KIF6: variants seen among roughly 807,000 people sequenced by gnomAD.
KIF6 encodes kinesin family member 6, also known as kinesin-like protein KIF6.
In KIF6, 106 loss-of-function variants were observed where a neutral mutation model predicts 112.7. The ratio of observed to expected loss-of-function variants is 0.94; its 90% CI spans 0.80 to 1.11. KIF6 has a LOEUF of 1.11. Ranked by LOEUF, KIF6 falls within the 50% of genes least tolerant of loss-of-function variation. The pLI is 0.00. For missense variants in KIF6, 929 were observed against 964.0 expected (o/e 0.96, Z 0.48); for synonymous variants, 339 against 339.9 (o/e 1.00, Z 0.03).
At chr6:39,683,438 G>C (rs186429568) in intron 3 of KIF6, among the ~76,000 whole-genome samples, 1 of 152,270 alleles carries the variant, frequency 6.6e-6, no homozygotes, top group Non-Finnish European at 1.5e-5. Flanking sequence ...AGGGAGGACA[G>C]ATTTGGATAA....
intron 13 of KIF6, among the ~76,000 whole-genome samples, chr6:39,469,198 G>A (rs1033357415): frequency 2.6e-5 from 4 of 151,886 alleles, no homozygotes; most frequent in Admixed American, 2.0e-4. Flanking sequence ...AATCATTAGA[G>A]GGATTAAAAT....
At chr6:39,479,075 C>A (rs992924233) in intron 13 of KIF6, among the ~76,000 whole-genome samples, 5 of 152,076 alleles carry the variant, frequency 3.3e-5, no homozygotes, top group African/African-American at 7.2e-5. Flanking sequence ...TTGACTGTTC[C>A]TTTTGCTATG....
chr6:39,368,374 G>A (rs1244131853), intron 16 of KIF6, among the ~76,000 whole-genome samples: 1 of 152,176 alleles, frequency 6.6e-6, no homozygotes, highest in African/African-American at 2.4e-5. Context: ...GCCCAGGATG[G>A]CACTGCTGGT....
intron 3 of KIF6, among the ~76,000 whole-genome samples, chr6:39,650,559 T>C (rs1184898738): frequency 6.6e-6 from 1 of 151,694 alleles, no homozygotes; most frequent in South Asian, 2.1e-4. Flanking sequence ...TAATTTATAA[T>C]TACATTATAA....
At chr6:39,663,252 T>C (rs11759949) in intron 3 of KIF6, among the ~76,000 whole-genome samples, 7,167 of 152,266 alleles carry the variant, frequency 0.047, 244 homozygotes, top group South Asian at 0.07. Flanking sequence ...GGACTATTTG[T>C]AGATACAAGG....
rs552380123 is a variant in KIF6, at chr6:39,580,197, C to T, written c.1078-2038G>A. On this transcript the variant is annotated intron_variant, in intron 9 of 22. Transcript: ENST00000287152. The stretch of plus-strand genomic sequence containing the variant: ...GGATCTATAATTTTCTTTTTAAATA[C>T]CTTACGTGTCTTTAATTATATTTTA... Among the ~76,000 whole-genome samples the T allele has an allele frequency of 2.0e-5, 3 of 152,104 alleles. No homozygotes were observed. The South Asian group carries it at 6.2e-4, about 32-fold the overall frequency.
intron 14 of KIF6, among the ~76,000 whole-genome samples, chr6:39,429,652 G>A (rs1770997804): frequency 6.6e-6 from 1 of 152,208 alleles, no homozygotes; most frequent in Non-Finnish European, 1.5e-5. Flanking sequence ...GCTCATGCCT[G>A]TAATCCCAGC....
chr6:39,431,609 G>A (rs1020161945), intron 13 of KIF6, among the ~76,000 whole-genome samples: 1 of 152,162 alleles, frequency 6.6e-6, no homozygotes, highest in African/African-American at 2.4e-5. Flanking sequence ...AGAAAATTCT[G>A]CTCTTAGTCT....
At chr6:39,337,210 T>C (rs1035201098) in intron 22 of KIF6, among the ~76,000 whole-genome samples, 1 of 112,122 alleles carries the variant, frequency 8.9e-6, no homozygotes, top group African/African-American at 5.6e-5. Context: ...TTTCTTTCTT[T>C]CTTTCTTTCT....
chr6:39,352,390 T>C (rs1446029306), intron 19 of KIF6, among the ~76,000 whole-genome samples: 2 of 152,224 alleles, frequency 1.3e-5, no homozygotes, highest in African/African-American at 2.4e-5. Flanking sequence ...TCATACAGAA[T>C]AGTTTCACTG....
chr6:39,713,168 C>T (rs302584), intron 3 of KIF6, among the ~76,000 whole-genome samples: 18,718 of 152,038 alleles, frequency 0.12, 1,475 homozygotes, highest in African/African-American at 0.23. Context: ...AAATGGTCAC[C>T]GCACACAATT....
intron 3 of KIF6, among the ~76,000 whole-genome samples, chr6:39,677,644 C>T (rs1474417124): frequency 1.4e-5 from 2 of 140,698 alleles, no homozygotes; most frequent in Non-Finnish European, 3.1e-5. Flanking sequence ...AATGTGTCAT[C>T]TAGCATTAGG....
chr6:39,451,936 C>A lies in KIF6; in HGVS notation c.1646-20775G>T, dbSNP rs1011050307. On this transcript the variant is annotated intron_variant, in intron 13 of 22. Coordinates refer to ENST00000287152, the MANE Select transcript of KIF6 (RefSeq NM_145027.6). ...GCTAGGAGAAAATGTCTTGAATGAT[C>A]ACACAGAGGCTCAGTGTGGCTTGTG... 3.3e-5 allele frequency among the ~76,000 whole-genome samples: 5 copies of A among 152,166 alleles called. No homozygotes were observed. The South Asian group carries it at 8.3e-4, about 25-fold the overall frequency.
intron 13 of KIF6, among the ~76,000 whole-genome samples, chr6:39,522,943 C>T (rs546559932): frequency 6.6e-6 from 1 of 152,332 alleles, no homozygotes; most frequent in African/African-American, 2.4e-5. Flanking sequence ...CTTATCTGCT[C>T]TCATGGCTAC....
chr6:39,609,133 A>C (rs1582262063), intron 6 of KIF6, among the ~76,000 whole-genome samples: 1 of 152,308 alleles, frequency 6.6e-6, no homozygotes, highest in East Asian at 1.9e-4. Context: ...AGGTCTCCAA[A>C]GCTCATGCTC....
intron 16 of KIF6, 131 bp downstream of exon 16, chr6:39,385,491 T>C: frequency 2.7e-6 from 2 of 736,516 alleles, no homozygotes; most frequent in East Asian, 2.5e-5. Flanking sequence ...GCTGTGTGGA[T>C]AGCAACCCTT....
intron 13 of KIF6, among the ~76,000 whole-genome samples, chr6:39,524,316 T>C (rs999900450): frequency 5.3e-5 from 8 of 152,208 alleles, no homozygotes; most frequent in East Asian, 1.9e-4. Context: ...ATAATTCCTA[T>C]ACTTATTCAA....
chr6:39,714,599 T>C, intron 3 of KIF6, 93 bp downstream of exon 3: 3 of 790,968 alleles, frequency 3.8e-6, no homozygotes, highest in Non-Finnish European at 6.5e-6. Flanking sequence ...AAGTATATAA[T>C]TGATACACTT....
intron 20 of KIF6, 102 bp from the exon 21 acceptor site, chr6:39,345,891 C>T (rs1763675012): frequency 3.9e-6 from 3 of 775,824 alleles, no homozygotes; most frequent in Admixed American, 2.3e-5. Flanking sequence ...AATGTGTCCT[C>T]TCAAAATCCC....
Sources: allele counts gnomAD v4.1 joint callset (sites outside exome capture counted in the v4.1 genomes callset), GRCh38; gene constraint gnomAD v4.1.1; transcripts MANE v1.5; gene names NCBI Gene and HGNC (gene_info 2026-07-23, HGNC 2026-07-21).